DLGAP2: variants seen among roughly 807,000 people sequenced by gnomAD.
DLGAP2 encodes the protein DLG associated protein 2.
DLGAP2 carries 26 observed loss-of-function variants against 100.3 expected under a neutral mutation model. The observed-to-expected ratio is 0.26, with a 90% CI of 0.19 to 0.36. The LOEUF is 0.36. Among genes scored for constraint, DLGAP2 ranks in the 10% least tolerant of loss-of-function variants. DLGAP2 has a pLI of 1.00. For missense variants in DLGAP2, 1,858 were observed against 1,453.2 expected (o/e 1.28, Z -4.53); for synonymous variants, 886 against 630.1 (o/e 1.41, Z -6.08).
chr8:1,454,388 C>T (rs933322846), intron 3 of DLGAP2, among the ~76,000 whole-genome samples: 1 of 151,702 alleles, frequency 6.6e-6, no homozygotes, highest in Non-Finnish European at 1.5e-5. Context: ...TACACTGAAA[C>T]TACCGTCCCT....
chr8:1,356,852 A>C (rs1415138571), intron 3 of DLGAP2, among the ~76,000 whole-genome samples: 1 of 152,212 alleles, frequency 6.6e-6, no homozygotes, highest in Non-Finnish European at 1.5e-5. Context: ...TAAGGATAAC[A>C]GCCAAGCCCG....
chr8:872,765 A>G (rs755090471), intron 1 of DLGAP2, among the ~76,000 whole-genome samples: 5 of 152,208 alleles, frequency 3.3e-5, no homozygotes, highest in Admixed American at 6.5e-5. Flanking sequence ...AGTCAATTTC[A>G]GAACACTCTC....
intron 2 of DLGAP2, chr8:927,212 T>C (rs1209382289): frequency 1.0e-6 from 1 of 985,268 alleles, no homozygotes; most frequent in African/African-American, 1.7e-5. Context: ...AAGAACGCTG[T>C]TTATAGAACA....
At chr8:1,029,896 C>G (rs1474373506) in intron 2 of DLGAP2, among the ~76,000 whole-genome samples, 1 of 152,062 alleles carries the variant, frequency 6.6e-6, no homozygotes, top group African/African-American at 2.4e-5. Flanking sequence ...AAGACTCTTG[C>G]AGACACAAAC....
chr8:1,060,481 T>A (rs1803047625), intron 2 of DLGAP2, among the ~76,000 whole-genome samples: 2 of 151,382 alleles, frequency 1.3e-5, no homozygotes, highest in South Asian at 4.2e-4. Context: ...CTGCCCCTGC[T>A]TCACACGGCC....
At chr8:952,219 T>G (rs1799498503) in intron 2 of DLGAP2, among the ~76,000 whole-genome samples, 1 of 152,190 alleles carries the variant, frequency 6.6e-6, no homozygotes, top group Non-Finnish European at 1.5e-5. Flanking sequence ...TGTGACCCCA[T>G]ATTTCCCAGT....
intron 4 of DLGAP2, among the ~76,000 whole-genome samples, chr8:1,544,825 C>CG (rs1801479717): frequency 7.9e-5 from 12 of 151,800 alleles, no homozygotes; most frequent in Admixed American, 7.9e-4. Context: ...TTCTGCCTCC[C>CG]GGGTTCAAGC....
chr8:1,199,619 A>G (rs1797826605), intron 2 of DLGAP2, among the ~76,000 whole-genome samples: 1 of 152,184 alleles, frequency 6.6e-6, no homozygotes, highest in South Asian at 2.1e-4. Flanking sequence ...AACTCATGCC[A>G]GCCAGATGGG....
chr8:1,678,099 T>A, intron 11 of DLGAP2, 115 bp from the exon 12 acceptor site: 2 of 1,236,568 alleles, frequency 1.6e-6, no homozygotes, highest in South Asian at 1.5e-5. Context: ...CTACCTGCCC[T>A]TGAGCCGCCA....
At chr8:1,150,997 A>C (rs1351340651) in intron 2 of DLGAP2, among the ~76,000 whole-genome samples, 1 of 152,240 alleles carries the variant, frequency 6.6e-6, no homozygotes, top group African/African-American at 2.4e-5. Flanking sequence ...TATGAAACAC[A>C]CATACATACA....
chr8:870,237 C>T (rs1797572187), intron 1 of DLGAP2, among the ~76,000 whole-genome samples: 1 of 152,204 alleles, frequency 6.6e-6, no homozygotes, highest in East Asian at 1.9e-4. Context: ...GACAGGATCC[C>T]TGAGCTGTCA....
intron 3 of DLGAP2, among the ~76,000 whole-genome samples, chr8:1,340,909 A>G (rs1309158203): frequency 1.3e-5 from 2 of 152,274 alleles, no homozygotes; most frequent in East Asian, 1.9e-4. Context: ...GACATAAAAA[A>G]GAATGAAATC....
chr8:1,614,866 C>G (rs997289364), intron 6 of DLGAP2, among the ~76,000 whole-genome samples: 1 of 152,244 alleles, frequency 6.6e-6, no homozygotes, highest in South Asian at 2.1e-4. Context: ...CACACGCACA[C>G]ACACACACGC....
At chr8:1,457,577 C>T (rs1032012973) in intron 3 of DLGAP2, among the ~76,000 whole-genome samples, 2 of 152,166 alleles carry the variant, frequency 1.3e-5, no homozygotes, top group African/African-American at 4.8e-5. Context: ...GATGGTTCTT[C>T]GCAAACCAGC....
At chr8:1,171,346 A>G (rs930107719) in intron 2 of DLGAP2, among the ~76,000 whole-genome samples, 1 of 152,132 alleles carries the variant, frequency 6.6e-6, no homozygotes, top group African/African-American at 2.4e-5. Flanking sequence ...GTGCTGAAAA[A>G]AATGTATATT....
At chr8:1,154,893 C>T (rs1796753176) in intron 2 of DLGAP2, among the ~76,000 whole-genome samples, 1 of 152,216 alleles carries the variant, frequency 6.6e-6, no homozygotes. Flanking sequence ...GCTACCTGGA[C>T]GCGCAGTGTC....
chr8:1,229,113 A>G (rs1330247585), intron 2 of DLGAP2, among the ~76,000 whole-genome samples: 1 of 152,312 alleles, frequency 6.6e-6, no homozygotes, highest in East Asian at 1.9e-4. Context: ...ACTCAATTGC[A>G]TGCATGTATA....
At chr8:889,467 G>A (rs959946608) in intron 1 of DLGAP2, among the ~76,000 whole-genome samples, 1 of 152,160 alleles carries the variant, frequency 6.6e-6, no homozygotes, top group African/African-American at 2.4e-5. Flanking sequence ...GGAGTTCTGG[G>A]GTCTGTCCCT....
chr8:851,196 C>A (rs144663536), intron 1 of DLGAP2, among the ~76,000 whole-genome samples: 6 of 152,350 alleles, frequency 3.9e-5, no homozygotes, highest in African/African-American at 1.4e-4. Flanking sequence ...ACACACTGTG[C>A]AGGTGTGCAG....
Sources: allele counts gnomAD v4.1 joint callset (sites outside exome capture counted in the v4.1 genomes callset), GRCh38; gene constraint gnomAD v4.1.1; transcripts MANE v1.5; gene names NCBI Gene and HGNC (gene_info 2026-07-23, HGNC 2026-07-21).